Variants in IGDCC4 observed in about 807,000 individuals in gnomAD.
The protein encoded by IGDCC4 is immunoglobulin superfamily DCC subclass member 4.
A neutral mutation model predicts 116.6 loss-of-function variants in IGDCC4; 72 were observed. The observed-to-expected ratio is 0.62, with a 90% confidence interval of 0.51 to 0.75. The LOEUF is 0.75. Ranked by LOEUF, IGDCC4 falls within the 30% of genes least tolerant of loss-of-function variation. The pLI, the probability that IGDCC4 is intolerant of heterozygous loss-of-function variation, is 0.00. For missense variants in IGDCC4, 1,501 were observed against 1,662.4 expected (o/e 0.90, Z 1.69); for synonymous variants, 709 against 719.9 (o/e 0.98, Z 0.24).
Position 65,393,640 on chromosome 15 carries a change from G to A in IGDCC4, c.1715-109C>T. ...CATCCCGGTTCCTCCGTGCCCGTGGGAGCCTGAGGCGTTCTCAGCACTGAC... is the reference window on the plus strand; with the variant it reads ...CATCCCGGTTCCTCCGTGCCCGTGGAAGCCTGAGGCGTTCTCAGCACTGAC... On this transcript the variant is annotated intron_variant, in intron 9 of 19. Transcript: ENST00000352385. The surrounding 1 kb of genome is among the most constrained non-coding windows in gnomAD (Gnocchi z 4.6). 8.5e-7 allele frequency: 1 copy of A among 1,174,168 alleles called. No individual in the cohort carries two copies. Among genetic ancestry groups the A allele is most frequent in the Non-Finnish European group, 1.2e-6 (1 of 841,156 alleles). The allele number at this position is 1,174,168 out of a possible 1,614,324, so 72.7% of individuals were successfully genotyped here.
intron 1 of IGDCC4, among the ~76,000 whole-genome samples, chr15:65,415,815 C>T (rs904688583): frequency 5.3e-5 from 8 of 152,140 alleles, no homozygotes; most frequent in African/African-American, 1.9e-4. Flanking sequence ...GACTCACGTG[C>T]CAGCCCTTCT....
chr15:65,385,340 T>C, intron 18 of IGDCC4: 1 of 577,448 alleles, frequency 1.7e-6, no homozygotes, highest in Non-Finnish European at 3.0e-6. Flanking sequence ...CACCAGACGC[T>C]CTGCAAAGCC....
At chr15:65,385,470 C>T (rs2091446776) in intron 18 of IGDCC4, 2 of 525,672 alleles carry the variant, frequency 3.8e-6, no homozygotes, top group Non-Finnish European at 6.8e-6. Flanking sequence ...TTATCCTGGT[C>T]CCAGTCCCAC....
chr15:65,392,373 G>C lies in IGDCC4; in HGVS notation c.1886-3C>G, dbSNP rs1289079034. ...CAACTCTGCAGGGGCAAAAGGGACT[G>C]GGGGGCAGAGGAGCAGGATGGGAAA... is the stretch of plus-strand genomic sequence containing the variant. On this transcript the variant is annotated splice_polypyrimidine_tract_variant and splice_region_variant and intron_variant, in intron 10 of 19. Transcript: ENST00000352385. 6.6e-7 allele frequency: 1 copy of C among 1,505,130 alleles called. No homozygotes were observed. The allele number at this position is 1,505,130 out of a possible 1,614,324, so 93.2% of individuals were successfully genotyped here.
In IGDCC4 at chr15:65,422,811, A is replaced by C; in HGVS notation, c.52T>G (p.Cys18Gly). 7.7e-7 allele frequency: 1 copy of C among 1,297,152 alleles called. No homozygotes were observed. The highest frequency in any genetic ancestry group is 9.8e-7 in the Non-Finnish European group (1 of 1,022,186). The allele number at this position is 1,297,152 out of a possible 1,614,324, so 80.4% of individuals were successfully genotyped here. ...RGRGLLALTF[C>G]LLAARGELLL... ...CCCTTACCGCGCGCGGCCAACAGGC[A>C]GAAGGTCAACGCGAGGAGCCCGCGG... The change falls in exon 1 of 20, where the codon TGC (cysteine) becomes GGC (glycine). Residue 18 changes from cysteine to glycine, a missense_variant. This residue lies in a region of IGDCC4 where 898 missense variants were observed against 978.9 expected (regional missense o/e 0.92). Transcript: ENST00000352385.
rs540179103 is a variant in IGDCC4, at chr15:65,385,257, T to A, written c.3181-142A>T. The A allele has an allele frequency of 2.4e-4, 213 of 888,736 alleles. No homozygotes were observed. The African/African-American group carries it at 3.4e-3, about 14-fold the overall frequency. 55.1% of individuals were successfully genotyped at this position (888,736 alleles called of 1,614,324 possible). On this transcript the variant is annotated intron_variant, in intron 18 of 19. Coordinates refer to ENST00000352385, the MANE Select transcript of IGDCC4 (RefSeq NM_020962.3). ...GCTGCTCTCTCCCTCTCCAAGGCTC[T>A]GGGGAGGAGCATCGAAAGGGCTCAG... is the stretch of plus-strand genomic sequence containing the variant.
rs565061985 is a variant in IGDCC4 at position 65,394,957 on chromosome 15, C to T, written c.1576+137G>A. 21 of 950,428 alleles carry T rather than the reference C, an allele frequency of 2.2e-5. No homozygotes were observed. The African/African-American group carries it at 2.3e-4, about 11-fold the overall frequency. The allele number at this position is 950,428 out of a possible 1,614,324, so 58.9% of individuals were successfully genotyped here. A position where few individuals can be genotyped will look rare whatever the true frequency, so the allele number is the denominator to read the frequency against. ...AACTGTGAACTGAGGAGAAGAACCCCGCCCACTCTCTTACGGGGCACAAAA... is the reference window on the plus strand; with the variant it reads ...AACTGTGAACTGAGGAGAAGAACCCTGCCCACTCTCTTACGGGGCACAAAA... On this transcript the variant is annotated intron_variant, in intron 8 of 19. Transcript: ENST00000352385.
At chr15:65,410,410 ACACAGAAACACACAGT>A (rs1216783511) in intron 2 of IGDCC4, 91 bp from the exon 3 acceptor site, 9 of 1,423,546 alleles carry the variant, frequency 6.3e-6, no homozygotes, top group South Asian at 2.4e-5. Context: ...CCGCATGGAG[ACACAGAAACACACAGT>A]CACAGAAACA....
chr15:65,404,495 G>C (rs1163301771), intron 3 of IGDCC4, among the ~76,000 whole-genome samples: 2 of 152,076 alleles, frequency 1.3e-5, no homozygotes, highest in Non-Finnish European at 2.9e-5. Flanking sequence ...CTTCCTCCAA[G>C]ACCTTTCTTT....
At chr15:65,398,256 G>A (rs1052339703) in intron 5 of IGDCC4, among the ~76,000 whole-genome samples, 5 of 152,074 alleles carry the variant, frequency 3.3e-5, no homozygotes, top group South Asian at 2.1e-4. Flanking sequence ...CAAAACAGCC[G>A]GACACAGTGG....
chr15:65,402,224 C>T, intron 4 of IGDCC4, 127 bp downstream of exon 4: 7 of 1,127,654 alleles, frequency 6.2e-6, no homozygotes, highest in African/African-American at 1.6e-5. Flanking sequence ...CATCGCCTCA[C>T]CAGTCAATGG....
At position 65,384,434 on chromosome 15, in the gene IGDCC4, G is replaced by A. The variant is rs746494047; in HGVS notation, c.3343-15C>T. 5 of 1,490,686 alleles carry A rather than the reference G, an allele frequency of 3.4e-6. No individual in the cohort carries two copies. The South Asian group carries it at 4.1e-5, about 12-fold the overall frequency. 92.3% of individuals were successfully genotyped at this position (1,490,686 alleles called of 1,614,324 possible). ...CTCCCATTGCCCTGATCAGAGCAGA[G>A]AACACAAAGACAAAGTGACCATTAC... On this transcript the variant is annotated splice_polypyrimidine_tract_variant and intron_variant, in intron 19 of 19. Coordinates refer to ENST00000352385, the MANE Select transcript of IGDCC4 (RefSeq NM_020962.3). This position sits in a 1 kb window ranked among gnomAD's most constrained non-coding sequence, Gnocchi z 4.9.
chr15:65,404,740 T>C (rs2063024274), intron 3 of IGDCC4, among the ~76,000 whole-genome samples: 1 of 152,224 alleles, frequency 6.6e-6, no homozygotes, highest in Admixed American at 6.5e-5. Flanking sequence ...GTGCTATTGC[T>C]GCAGCCAATA....
intron 1 of IGDCC4, among the ~76,000 whole-genome samples, chr15:65,412,030 AAC>A (rs1173998758): frequency 6.6e-6 from 1 of 152,212 alleles, no homozygotes; most frequent in East Asian, 1.9e-4. Context: ...CAGCCTGGGT[AAC>A]ACAGAGAGAC....
At chr15:65,405,617 A>G (rs2063033880) in intron 3 of IGDCC4, among the ~76,000 whole-genome samples, 1 of 152,180 alleles carries the variant, frequency 6.6e-6, no homozygotes, top group South Asian at 2.1e-4. Flanking sequence ...ATATTTATGA[A>G]TTGCAAGCTC....
Position 65,385,146 on chromosome 15 carries a change from G to C in IGDCC4, c.3181-31C>G, listed in dbSNP as rs148285191. 5.3e-4 allele frequency: 816 copies of C among 1,533,910 alleles called. 3 individuals are homozygous for C. In the African/African-American group the frequency reaches 9.3e-3, roughly 18 times the overall value. On this transcript the variant is annotated intron_variant, in intron 18 of 19. Coordinates refer to ENST00000352385, the MANE Select transcript of IGDCC4 (RefSeq NM_020962.3). Reference sequence around the variant, plus strand: ...CGGGGGAAAGAAGGGGACAGTAAGGGGCACGACCAGGATTGGCTGGGAGAG... The same window carrying C: ...CGGGGGAAAGAAGGGGACAGTAAGGCGCACGACCAGGATTGGCTGGGAGAG...
chr15:65,414,779 T>A (rs563125870), intron 1 of IGDCC4, among the ~76,000 whole-genome samples: 1 of 152,348 alleles, frequency 6.6e-6, no homozygotes, highest in South Asian at 2.1e-4. Flanking sequence ...GTAGCTGGGA[T>A]TACAGGCATG....
chr15:65,406,686 G>C (rs2063043802), intron 3 of IGDCC4, among the ~76,000 whole-genome samples: 1 of 152,182 alleles, frequency 6.6e-6, no homozygotes, highest in Admixed American at 6.5e-5. Flanking sequence ...TAATCAAGTT[G>C]CTGTTTTAGA....
Position 65,410,285 on chromosome 15 carries a change from C to CT in IGDCC4, c.455dup (p.Thr153AspfsTer11). 6.2e-7 allele frequency: 1 copy of CT among 1,614,094 alleles called. No homozygotes were observed. Among genetic ancestry groups the CT allele is most frequent in the Non-Finnish European group, 8.5e-7 (1 of 1,180,042 alleles). ...GAGCTGTCCCGTTCTCCTCCACCGT[C>CT]TGAGACTCCGGGTGCAGAGAGAAGT... On this transcript the variant is annotated frameshift_variant, in exon 3 of 20. Coordinates refer to ENST00000352385, the MANE Select transcript of IGDCC4 (RefSeq NM_020962.3). LOFTEE classifies it high-confidence loss of function.
Sources: allele counts gnomAD v4.1 joint callset (sites outside exome capture counted in the v4.1 genomes callset), GRCh38; gene constraint gnomAD v4.1.1; regional missense constraint gnomAD v4.1.1; non-coding constraint Gnocchi (gnomAD v3.1); transcripts MANE v1.5; gene names NCBI Gene and HGNC (gene_info 2026-07-23, HGNC 2026-07-21).